Variants in SUPT16H observed in about 807,000 individuals in gnomAD.
SUPT16H encodes the protein SPT16 homolog, facilitates chromatin remodeling subunit.
In SUPT16H, 24 loss-of-function variants were observed where a neutral mutation model predicts 136.2. That is an observed-to-expected ratio of 0.18 (90% CI 0.13 to 0.25). The LOEUF is 0.25. SUPT16H is among the 10% of genes least tolerant of loss of function. The probability of loss-of-function intolerance (pLI) is 1.00; values close to 1 mark genes in which losing one functional copy is unlikely to be tolerated. For synonymous variants in SUPT16H, 415 were observed against 428.2 expected (o/e 0.97, Z 0.38); for missense variants, 623 against 1,270.2 (o/e 0.49, Z 7.74).
At position 21,366,549 on chromosome 14, in the gene SUPT16H, G is replaced by A; in HGVS notation, c.956-20C>T. The A allele has an allele frequency of 6.3e-7, 1 of 1,599,686 alleles. No individual in the cohort carries two copies. The highest frequency in any genetic ancestry group is 8.5e-7 in the Non-Finnish European group (1 of 1,173,844). On this transcript the variant is annotated intron_variant, in intron 7 of 25. Transcript: ENST00000216297. ...TCACACCTAATAACAAGACACAAAG[G>A]AGATATTAAAGTATCTTTTAGGAAA...
intron 1 of SUPT16H, among the ~76,000 whole-genome samples, chr14:21,376,673 C>T (rs954199313): frequency 6.6e-6 from 1 of 151,984 alleles, no homozygotes; most frequent in African/African-American, 2.4e-5. Context: ...GGTAGTGGCG[C>T]CAAACTACTT....
chr14:21,358,137 T>G (rs1411620764), intron 20 of SUPT16H, 135 bp from the exon 21 acceptor site: 3 of 881,772 alleles, frequency 3.4e-6, no homozygotes, highest in African/African-American at 1.7e-5. Flanking sequence ...AGGAAGCCTC[T>G]TAAGAGTTAG....
intron 1 of SUPT16H, chr14:21,383,362 C>T (rs1594314890): frequency 2.1e-6 from 1 of 477,724 alleles, no homozygotes; most frequent in African/African-American, 2.0e-5. Flanking sequence ...AGCAGTATTT[C>T]TTTTTTTAAC....
chr14:21,383,574 G>T, intron 1 of SUPT16H: 1 of 694,184 alleles, frequency 1.4e-6, no homozygotes, highest in South Asian at 1.5e-5. Flanking sequence ...AGGGAAGGAT[G>T]TTGCCTCTTC....
intron 1 of SUPT16H, 25 bp from the exon 2 acceptor site, chr14:21,373,455 T>C (rs769199233): frequency 1.9e-6 from 3 of 1,549,556 alleles, no homozygotes; most frequent in Middle Eastern, 1.7e-4. Flanking sequence ...TAATCATCAC[T>C]TAATTTTTCA....
chr14:21,369,429 G>C, intron 5 of SUPT16H, 74 bp from the exon 6 acceptor site: 1 of 1,567,232 alleles, frequency 6.4e-7, no homozygotes, highest in South Asian at 1.2e-5. Context: ...ACTATGATTT[G>C]AAGACAAAAT....
chr14:21,354,890 C>T, intron 22 of SUPT16H: 1 of 187,818 alleles, frequency 5.3e-6, no homozygotes, highest in Non-Finnish European at 1.1e-5. Flanking sequence ...CCGCGCCCTG[C>T]CTGGGAGCAG....
chr14:21,351,907 A>T lies in SUPT16H; in HGVS notation c.*766T>A, dbSNP rs1886312751. On this transcript the variant is annotated 3_prime_UTR_variant, in exon 26 of 26. Transcript: ENST00000216297. ...TCCTTTGAGCCTTCCTCTACATTTC[A>T]CTAGAAGCGGTACATGAGGCACAAC... 1 of 152,718 alleles carries T rather than the reference A, an allele frequency of 6.5e-6. No individual in the cohort carries two copies. Among genetic ancestry groups the T allele is most frequent in the Non-Finnish European group, 1.5e-5 (1 of 68,156 alleles). The allele number at this position is 152,718 out of a possible 1,614,324, so 9.5% of individuals were successfully genotyped here.
chr14:21,355,310 C>A (rs1459927364), intron 22 of SUPT16H, among the ~76,000 whole-genome samples: 1 of 151,870 alleles, frequency 6.6e-6, no homozygotes, highest in Admixed American at 6.6e-5. Context: ...TTGGCTAACA[C>A]GGTGAAACCC....
intron 25 of SUPT16H, 25 bp from the exon 26 acceptor site, chr14:21,352,843 T>C (rs776120479): frequency 2.4e-5 from 39 of 1,613,934 alleles, no homozygotes; most frequent in Middle Eastern, 3.3e-4. Context: ...CATTATTAGT[T>C]AGCAATAGGT....
rs756344252 is a variant in SUPT16H, at chr14:21,366,467, G to A, written c.1018C>T (p.Leu340=). ...AGGTTTTTGGTAATTTTGTTCAGCA[G>A]TTCTGGCTTCTGCTTTTTAACCACG... The part of the protein sequence containing the change: ...MDVVKKQKPE[L]LNKITKNLGF... Residue 340 remains leucine, a synonymous_variant, in exon 8 of 26, where the codon CTG becomes TTG. Transcript: ENST00000216297. 15 of 1,613,976 alleles carry A rather than the reference G, an allele frequency of 9.3e-6. No individual in the cohort carries two copies. Among genetic ancestry groups the A allele is most frequent in the South Asian group, 5.5e-5 (5 of 91,078 alleles).
intron 2 of SUPT16H, 146 bp from the exon 3 acceptor site, chr14:21,372,190 C>T: frequency 1.2e-6 from 1 of 844,060 alleles, no homozygotes. Context: ...GGAGTGGATA[C>T]AAATTAAGCA....
chr14:21,358,275 C>T (rs755541254), intron 20 of SUPT16H, 40 bp downstream of exon 20: 1 of 1,231,582 alleles, frequency 8.1e-7, no homozygotes, highest in Admixed American at 2.0e-5. Flanking sequence ...TACCAAAAGA[C>T]AGACCAGTCA....
At chr14:21,374,087 C>T (rs937922691) in intron 1 of SUPT16H, among the ~76,000 whole-genome samples, 6 of 152,230 alleles carry the variant, frequency 3.9e-5, no homozygotes, top group Non-Finnish European at 7.3e-5. Context: ...CCACCTTCAT[C>T]TTAGAATCTT....
At chr14:21,359,284 A>G (rs536403038) in intron 19 of SUPT16H, among the ~76,000 whole-genome samples, 200 bp downstream of exon 19, 110 of 151,528 alleles carry the variant, frequency 7.3e-4, no homozygotes, top group South Asian at 1.9e-3. Context: ...TAGTACAGAC[A>G]GGGTTTCACC....
rs2139410904 is a variant in SUPT16H at position 21,369,829 on chromosome 14, T to C, written c.551A>G (p.Lys184Arg). The C allele has an allele frequency of 6.2e-7, 1 of 1,614,206 alleles. No homozygotes were observed. ...TTCAGAAGTGATGCTGGCTGCTTTC[T>C]TCATTAGGTTGAGCTCCCCATCCTC... ...VKEDGELNLM[K>R]KAASITSEVF... Residue 184 changes from lysine to arginine, a missense_variant, in exon 5 of 26, where the codon AAG (lysine) becomes AGG (arginine). Around this residue, in one of 7 missense-constraint regions of SUPT16H, gnomAD observed 343 missense variants for 525.7 expected, o/e 0.65. Transcript: ENST00000216297.
chr14:21,371,731 G>T, intron 3 of SUPT16H, 143 bp downstream of exon 3: 1 of 901,220 alleles, frequency 1.1e-6, no homozygotes, highest in Admixed American at 3.0e-5. Context: ...TCCTAACAAT[G>T]AAGACGTGAC....
chr14:21,383,724 T>C (rs1226744945), intron 1 of SUPT16H, 138 bp downstream of exon 1: 2 of 961,252 alleles, frequency 2.1e-6, no homozygotes, highest in Non-Finnish European at 3.3e-6. Context: ...CTCCGGTGAA[T>C]GATTCGGGAG....
intron 22 of SUPT16H, among the ~76,000 whole-genome samples, chr14:21,356,772 G>A (rs1886443952): frequency 6.6e-6 from 1 of 152,022 alleles, no homozygotes; most frequent in Non-Finnish European, 1.5e-5. Context: ...TACAAAATAT[G>A]TAGAAAATAT....
Sources: allele counts gnomAD v4.1 joint callset (sites outside exome capture counted in the v4.1 genomes callset), GRCh38; gene constraint gnomAD v4.1.1; regional missense constraint gnomAD v4.1.1; transcripts MANE v1.5; gene names NCBI Gene and HGNC (gene_info 2026-07-23, HGNC 2026-07-21).